The following SAMD5 variants were observed in gnomAD, a reference collection of about 807,000 sequenced individuals.
SAMD5 encodes sterile alpha motif domain containing 5.
SAMD5 carries 13 observed loss-of-function variants against 11.3 expected under a neutral mutation model. The ratio of observed to expected loss-of-function variants is 1.15; its 90% CI spans 0.75 to 1.83. SAMD5 has a LOEUF of 1.83. Among genes scored for constraint, SAMD5 ranks in the 40% most tolerant of loss-of-function variants. The pLI is 0.00. For missense variants in SAMD5, 255 were observed against 239.1 expected, an observed-to-expected ratio of 1.07 and a Z score of -0.44; for synonymous variants, 129 against 111.3, an observed-to-expected ratio of 1.16 and a Z score of -1.00.
intron 1 of SAMD5, among the ~76,000 whole-genome samples, chr6:147,654,998 G>C (rs1291222135): frequency 6.6e-6 from 1 of 152,096 alleles, no homozygotes; most frequent in Non-Finnish European, 1.5e-5. Flanking sequence ...TTCACCACAT[G>C]TGTGTTTAGT....
intron 1 of SAMD5, among the ~76,000 whole-genome samples, chr6:147,535,340 T>A (rs1329474028): frequency 1.3e-5 from 2 of 152,230 alleles, no homozygotes; most frequent in African/African-American, 2.4e-5. Flanking sequence ...CAGCCTACTA[T>A]AAGGTAAATA....
chr6:147,937,771 C>T, the SAMD5 span, among the ~76,000 whole-genome samples: 1 of 152,112 alleles, frequency 6.6e-6, no homozygotes, highest in African/African-American at 2.4e-5. Flanking sequence ...TTTTAATTCG[C>T]ACCATAGATT....
the SAMD5 span, among the ~76,000 whole-genome samples, chr6:147,861,916 G>C: frequency 2.0e-5 from 3 of 152,202 alleles, no homozygotes; most frequent in Non-Finnish European, 2.9e-5. Context: ...GCCCAGCTGA[G>C]CATAGCGCCT....
chr6:147,624,159 C>T (rs570490497), intron 1 of SAMD5, among the ~76,000 whole-genome samples: 2 of 152,300 alleles, frequency 1.3e-5, no homozygotes, highest in Admixed American at 6.5e-5. Context: ...CGAGCCACTG[C>T]GCCTGACCAA....
chr6:147,646,397 C>A (rs2128452908), intron 1 of SAMD5, among the ~76,000 whole-genome samples: 1 of 152,094 alleles, frequency 6.6e-6, no homozygotes, highest in Middle Eastern at 3.4e-3. Flanking sequence ...TTCAATCCTT[C>A]TTGACCTGTT....
chr6:147,778,231 G>A, the SAMD5 span, among the ~76,000 whole-genome samples: 1 of 152,074 alleles, frequency 6.6e-6, no homozygotes, highest in African/African-American at 2.4e-5. Context: ...TGAGGACTCA[G>A]TCTCCCTGTC....
At chr6:147,701,652 CAAAAA>C (rs35003792) in intron 1 of SAMD5, among the ~76,000 whole-genome samples, 210 of 136,906 alleles carry the variant, frequency 1.5e-3, no homozygotes, top group South Asian at 0.01. Context: ...TAGTCTGTCT[CAAAAA>C]AAAAAAAAAA....
chr6:147,848,263 C>CT, the SAMD5 span, among the ~76,000 whole-genome samples: 2 of 152,056 alleles, frequency 1.3e-5, no homozygotes, highest in Non-Finnish European at 2.9e-5. Context: ...AGTGAAGGGG[C>CT]GGTCTGGATG....
At chr6:147,833,903 C>CA in the SAMD5 span, among the ~76,000 whole-genome samples, 13 of 152,258 alleles carry the variant, frequency 8.5e-5, no homozygotes, top group East Asian at 2.3e-3. Context: ...CCTCTGTCTC[C>CA]AGTGCTTTGT....
chr6:147,653,690 A>T (rs1305421819), intron 1 of SAMD5, among the ~76,000 whole-genome samples: 1 of 152,206 alleles, frequency 6.6e-6, no homozygotes, highest in East Asian at 1.9e-4. Flanking sequence ...CTATTTTTTT[A>T]AAAATTGTAT....
At chr6:147,723,103 C>A (rs913250988) in intron 1 of SAMD5, among the ~76,000 whole-genome samples, 29 of 152,154 alleles carry the variant, frequency 1.9e-4, no homozygotes, top group African/African-American at 7.0e-4. Context: ...AGTACTCAGC[C>A]CATGTTAGGG....
rs200501893 is a variant in SAMD5, at chr6:147,616,437, G to A, written c.162+107050G>A. ...CTCCCTCTTTTCCTGGGGATTCCTC[G>A]GTCACTATGACCTGCCATTAGTCTG... On this transcript the variant is annotated intron_variant, in intron 1 of 1. Coordinates refer to the SAMD5 transcript ENST00000566741. Among the ~76,000 whole-genome samples the A allele has an allele frequency of 4.6e-5, 7 of 151,462 alleles. No individual in the cohort carries two copies. The East Asian group carries it at 5.8e-4, about 13-fold the overall frequency.
the SAMD5 span, among the ~76,000 whole-genome samples, chr6:147,750,102 A>T: frequency 6.6e-6 from 1 of 152,354 alleles, no homozygotes; most frequent in Non-Finnish European, 1.5e-5. Context: ...TAGGAGACAT[A>T]GAATTATGTG....
At chr6:147,705,222 A>G (rs1249049718) in intron 1 of SAMD5, among the ~76,000 whole-genome samples, 1 of 152,146 alleles carries the variant, frequency 6.6e-6, no homozygotes, top group East Asian at 1.9e-4. Flanking sequence ...TGGAAAGTTA[A>G]TATTATATGT....
chr6:147,528,450 C>A (rs1261027970), intron 1 of SAMD5, among the ~76,000 whole-genome samples: 10 of 152,246 alleles, frequency 6.6e-5, no homozygotes, highest in Middle Eastern at 3.4e-3. Context: ...ATCTCCTCTT[C>A]TTATAAGGAC....
the SAMD5 span, among the ~76,000 whole-genome samples, chr6:147,870,900 A>T: frequency 6.6e-6 from 1 of 151,984 alleles, no homozygotes; most frequent in Non-Finnish European, 1.5e-5. Flanking sequence ...ATTTCTCAGA[A>T]TTTTTCCACT....
chr6:147,718,586 C>CAT lies in SAMD5; in HGVS notation c.163-18727_163-18726dup, dbSNP rs144040690. Among the ~76,000 whole-genome samples, 1,389 of 152,252 alleles carry CAT rather than the reference C, an allele frequency of 9.1e-3. 17 individuals carry two copies. The highest frequency in any genetic ancestry group is 0.059 in the South Asian group (283 of 4,826). ...GGGTTAAGCAAAGTAAATCCAAAGACATATAGAAACTTCAAGGAATTGATG... is the reference window on the plus strand; with the variant it reads ...GGGTTAAGCAAAGTAAATCCAAAGACATATATAGAAACTTCAAGGAATTGATG... On this transcript the variant is annotated intron_variant, in intron 1 of 1. Coordinates refer to the SAMD5 transcript ENST00000566741.
At chr6:147,774,256 A>C in the SAMD5 span, among the ~76,000 whole-genome samples, 1 of 152,304 alleles carries the variant, frequency 6.6e-6, no homozygotes. Context: ...TTAGGATTTC[A>C]ACGTATGAAT....
At chr6:147,776,156 A>G in the SAMD5 span, among the ~76,000 whole-genome samples, 11 of 152,300 alleles carry the variant, frequency 7.2e-5, no homozygotes, top group African/African-American at 2.4e-4. Flanking sequence ...CAGCTTTAAC[A>G]TGCTCTGAAT....
Sources: gnomAD v4.1 joint callset for allele counts (sites outside exome capture counted in the v4.1 genomes callset) on GRCh38, gnomAD v4.1.1 for gene constraint, MANE v1.5 for transcripts, NCBI Gene and HGNC (gene_info 2026-07-23, HGNC 2026-07-21) for gene names.